The following MARCHF1 variants were observed in gnomAD, a reference collection of about 807,000 sequenced individuals.
MARCHF1 encodes membrane associated ring-CH-type finger 1.
In MARCHF1, 40 loss-of-function variants were observed where a neutral mutation model predicts 54.2. The observed-to-expected ratio is 0.74, with a 90% confidence interval of 0.57 to 0.96. The LOEUF (loss-of-function observed/expected upper bound fraction) is 0.96. Ranked by LOEUF, MARCHF1 falls within the 40% of genes least tolerant of loss-of-function variation. The pLI, the probability that MARCHF1 is intolerant of heterozygous loss-of-function variation, is 0.00. For missense variants in MARCHF1, 586 were observed against 656.5 expected (o/e 0.89, Z 1.17); for synonymous variants, 236 against 236.3 (o/e 1.00, Z 0.01).
At chr4:164,218,295 G>A (rs938569969) in intron 1 of MARCHF1, among the ~76,000 whole-genome samples, 4 of 152,196 alleles carry the variant, frequency 2.6e-5, no homozygotes, top group African/African-American at 7.2e-5. Context: ...GTAGCGTTGA[G>A]TATTGAAACT....
At chr4:163,901,137 T>C (rs1750932849) in intron 3 of MARCHF1, among the ~76,000 whole-genome samples, 1 of 152,202 alleles carries the variant, frequency 6.6e-6, no homozygotes, top group South Asian at 2.1e-4. Context: ...AGAGACAATC[T>C]GGGTTTAGAT....
At chr4:164,382,978 C>T (rs551750126) in intron 1 of MARCHF1, among the ~76,000 whole-genome samples, 4 of 152,306 alleles carry the variant, frequency 2.6e-5, no homozygotes, top group South Asian at 2.1e-4. Context: ...ACATATTGGC[C>T]ATGCCTCTGA....
chr4:164,026,827 C>T (rs1169999168), intron 2 of MARCHF1, among the ~76,000 whole-genome samples: 1 of 151,954 alleles, frequency 6.6e-6, no homozygotes, highest in Non-Finnish European at 1.5e-5. Flanking sequence ...TGATTACATA[C>T]CTAGAATACC....
intron 1 of MARCHF1, among the ~76,000 whole-genome samples, chr4:164,301,302 A>T (rs1734554944): frequency 6.6e-6 from 1 of 152,206 alleles, no homozygotes; most frequent in Admixed American, 6.5e-5. Context: ...AACTGTTTTG[A>T]AGATATGATT....
chr4:164,329,443 G>GA (rs1735368516), intron 1 of MARCHF1, among the ~76,000 whole-genome samples: 1 of 151,720 alleles, frequency 6.6e-6, no homozygotes, highest in East Asian at 1.9e-4. Flanking sequence ...TGAAAAGACG[G>GA]AAAAAAAAGG....
In MARCHF1 at chr4:163,527,393, A is replaced by G. The variant is rs760466291; in HGVS notation, c.*1355T>C. The stretch of plus-strand genomic sequence containing the variant: ...TAATTACTCATCATCTGTCAAGTTG[A>G]CACCTCATATGGATGAAATAAGCCT... On this transcript the variant is annotated 3_prime_UTR_variant, in exon 10 of 10. Transcript: ENST00000514618. The G allele has an allele frequency of 6.6e-6, 1 of 152,144 alleles. No individual in the cohort carries two copies. The highest frequency in any genetic ancestry group is 1.5e-5 in the Non-Finnish European group (1 of 67,980). 9.4% of individuals were successfully genotyped at this position (152,144 alleles called of 1,614,324 possible). A position where few individuals can be genotyped will look rare whatever the true frequency, so the allele number is the denominator to read the frequency against.
intron 4 of MARCHF1, among the ~76,000 whole-genome samples, chr4:163,710,599 G>A (rs1009607233): frequency 1.3e-5 from 2 of 152,066 alleles, no homozygotes; most frequent in Admixed American, 1.3e-4. Context: ...GTTAGTAATT[G>A]TAATTCCTAG....
At chr4:164,146,436 T>C (rs373490773) in intron 1 of MARCHF1, among the ~76,000 whole-genome samples, 72 of 152,164 alleles carry the variant, frequency 4.7e-4, no homozygotes, top group African/African-American at 1.5e-3. Context: ...TACAAGGCTA[T>C]AGTAACCAAA....
At chr4:163,741,656 G>T (rs527899541) in intron 4 of MARCHF1, among the ~76,000 whole-genome samples, 1 of 152,096 alleles carries the variant, frequency 6.6e-6, no homozygotes, top group South Asian at 2.1e-4. Flanking sequence ...AGATCACAAA[G>T]CTGGTACTAT....
At chr4:163,609,950 A>G (rs1346782628) in intron 7 of MARCHF1, among the ~76,000 whole-genome samples, 1 of 152,038 alleles carries the variant, frequency 6.6e-6, no homozygotes, top group African/African-American at 2.4e-5. Context: ...GTTATTTTTT[A>G]TCAATGTATG....
chr4:163,884,299 CA>C (rs1440777498), intron 3 of MARCHF1, among the ~76,000 whole-genome samples: 1 of 151,948 alleles, frequency 6.6e-6, no homozygotes, highest in Non-Finnish European at 1.5e-5. Flanking sequence ...TGATATTAAG[CA>C]AATATAATAA....
intron 8 of MARCHF1, among the ~76,000 whole-genome samples, chr4:163,577,979 AACTC>A (rs1472020952): frequency 2.0e-5 from 3 of 151,966 alleles, no homozygotes; most frequent in South Asian, 2.1e-4. Context: ...ATTAATTTAA[AACTC>A]AATCATAAGA....
chr4:163,875,754 A>G (rs1236067319), intron 3 of MARCHF1, among the ~76,000 whole-genome samples: 2 of 152,198 alleles, frequency 1.3e-5, no homozygotes, highest in African/African-American at 4.8e-5. Flanking sequence ...TCATGCAACA[A>G]TACAACGAGG....
intron 1 of MARCHF1, among the ~76,000 whole-genome samples, chr4:164,242,113 G>C (rs1318912046): frequency 6.6e-6 from 1 of 151,902 alleles, no homozygotes; most frequent in Non-Finnish European, 1.5e-5. Context: ...GCTCGAACTG[G>C]GTGGAGCCCA....
chr4:164,061,541 GGA>G lies in MARCHF1; in HGVS notation c.-248+50045_-248+50046del, dbSNP rs1271960960. On this transcript the variant is annotated intron_variant, in intron 2 of 9. Transcript: ENST00000514618. ...CTCTGGGGACTGTTGTGGGGTGGGG[GGA>G]GGGGGGAGGGATAGCATTAGGAGAT... is the stretch of plus-strand genomic sequence containing the variant. Among the ~76,000 whole-genome samples the G allele has an allele frequency of 1.7e-3, 95 of 57,520 alleles. 4 individuals carry two copies. In the East Asian group the frequency reaches 0.036, roughly 22 times the overall value. 37.7% of individuals were successfully genotyped at this position (57,520 alleles called of 152,430 possible).
At chr4:163,828,800 A>G (rs1351189625) in intron 4 of MARCHF1, 2 of 152,226 alleles carry the variant, frequency 1.3e-5, no homozygotes, top group East Asian at 3.8e-4. Flanking sequence ...GAGTGTAAGA[A>G]AAAGCAAGTT....
intron 1 of MARCHF1, among the ~76,000 whole-genome samples, chr4:164,316,789 C>T (rs1735012167): frequency 6.6e-6 from 1 of 152,116 alleles, no homozygotes; most frequent in Non-Finnish European, 1.5e-5. Context: ...TGGATTCCCC[C>T]TTGCTATTCT....
At chr4:163,854,322 G>A in intron 3 of MARCHF1, 153 bp from the exon 4 acceptor site, 1 of 562,218 alleles carries the variant, frequency 1.8e-6, no homozygotes, top group Non-Finnish European at 3.1e-6. Flanking sequence ...AGAAGAATAT[G>A]CTGATTATTA....
At chr4:164,303,501 T>A (rs1449043478) in intron 1 of MARCHF1, among the ~76,000 whole-genome samples, 2 of 152,148 alleles carry the variant, frequency 1.3e-5, no homozygotes, top group East Asian at 3.9e-4. Context: ...AAATAATCCT[T>A]TCACAGGATT....
Sources: gnomAD v4.1 joint callset for allele counts (sites outside exome capture counted in the v4.1 genomes callset) on GRCh38, gnomAD v4.1.1 for gene constraint, MANE v1.5 for transcripts, NCBI Gene and HGNC (gene_info 2026-07-23, HGNC 2026-07-21) for gene names.